SLC35D4: variants seen among roughly 807,000 people sequenced by gnomAD.
The protein encoded by SLC35D4 is solute carrier family 35 member D4.
chr18:23,407,179 T>G, the SLC35D4 span, among the ~76,000 whole-genome samples: 268 of 152,312 alleles, frequency 1.8e-3, 2 homozygotes, highest in South Asian at 0.014. Flanking sequence ...AGAACTCACT[T>G]TTTTCATTTA....
At chr18:23,313,405 G>A in the SLC35D4 span, among the ~76,000 whole-genome samples, 2 of 151,490 alleles carry the variant, frequency 1.3e-5, no homozygotes, top group Non-Finnish European at 2.9e-5. Context: ...AAAAAAAAAA[G>A]GAGCCCCCTG....
At chr18:23,344,751 G>A in the SLC35D4 span, among the ~76,000 whole-genome samples, 3 of 151,736 alleles carry the variant, frequency 2.0e-5, no homozygotes, top group Non-Finnish European at 2.9e-5. Context: ...ACAGGTGCCC[G>A]CCACCACGCC....
At chr18:23,327,769 C>T in the SLC35D4 span, among the ~76,000 whole-genome samples, 1 of 152,134 alleles carries the variant, frequency 6.6e-6, no homozygotes, top group East Asian at 1.9e-4. Flanking sequence ...AATTTTAGAC[C>T]AATATCCCTG....
chr18:23,285,691 T>C, the SLC35D4 span, among the ~76,000 whole-genome samples: 3 of 152,062 alleles, frequency 2.0e-5, no homozygotes, highest in Admixed American at 6.6e-5. Flanking sequence ...TCTACAGACC[T>C]ATCTGACCTC....
the SLC35D4 span, among the ~76,000 whole-genome samples, chr18:23,357,746 C>G: frequency 1.3e-5 from 2 of 152,212 alleles, no homozygotes; most frequent in African/African-American, 2.4e-5. Flanking sequence ...ATTCAACTAT[C>G]TATTGGTAAG....
chr18:23,374,677 G>A, the SLC35D4 span, among the ~76,000 whole-genome samples: 1 of 151,984 alleles, frequency 6.6e-6, no homozygotes, highest in African/African-American at 2.4e-5. Context: ...TAGAGGTGGG[G>A]TTTCTCCATG....
chr18:23,334,800 C>A, the SLC35D4 span, among the ~76,000 whole-genome samples: 1 of 152,012 alleles, frequency 6.6e-6, no homozygotes, highest in South Asian at 2.1e-4. Context: ...CGGACGGGTT[C>A]GAGACCAGCC....
the SLC35D4 span, among the ~76,000 whole-genome samples, chr18:23,411,550 A>AAAGAAAGAAAGG: frequency 2.3e-4 from 35 of 149,782 alleles, no homozygotes; most frequent in African/African-American, 7.7e-4. Context: ...AGAAAGAAAG[A>AAAGAAAGAAAGG]AAGGTGTGTG....
chr18:23,301,793 T>C, the SLC35D4 span, among the ~76,000 whole-genome samples: 1 of 152,236 alleles, frequency 6.6e-6, no homozygotes, highest in Non-Finnish European at 1.5e-5. Context: ...AGTATCTTTC[T>C]CTTTTGTATG....
chr18:23,409,538 G>A, the SLC35D4 span, among the ~76,000 whole-genome samples: 2 of 152,098 alleles, frequency 1.3e-5, no homozygotes, highest in Admixed American at 1.3e-4. Flanking sequence ...ATCAATTACA[G>A]ATCAAAAATA....
the SLC35D4 span, among the ~76,000 whole-genome samples, chr18:23,283,208 C>T: frequency 1.3e-5 from 2 of 151,940 alleles, no homozygotes; most frequent in African/African-American, 2.4e-5. Context: ...AAAGGAAGGC[C>T]GGGCGTAGTG....
At chr18:23,356,571 C>T in the SLC35D4 span, 2 of 1,613,328 alleles carry the variant, frequency 1.2e-6, no homozygotes, top group East Asian at 4.5e-5. The surrounding 1 kb of genome is among the most constrained non-coding windows in gnomAD (Gnocchi z 4.1). Flanking sequence ...AGAAAGCATA[C>T]AAATGAGTGA....
the SLC35D4 span, chr18:23,257,146 T>G: frequency 1.3e-4 from 200 of 1,489,564 alleles, no homozygotes; most frequent in East Asian, 4.2e-4. Context: ...CACTGGCTGG[T>G]GGATAGAGAA....
chr18:23,328,642 T>C, the SLC35D4 span, among the ~76,000 whole-genome samples: 3 of 152,154 alleles, frequency 2.0e-5, no homozygotes, highest in Admixed American at 2.0e-4. Context: ...AGGTAATTTA[T>C]AGATTCAATG....
At chr18:23,371,503 C>G in the SLC35D4 span, 1 of 1,555,858 alleles carries the variant, frequency 6.4e-7, no homozygotes, top group Non-Finnish European at 8.7e-7. Flanking sequence ...GAAAAAATGG[C>G]TATAAGTGCA....
chr18:23,257,021 C>A, the SLC35D4 span: 2 of 580,506 alleles, frequency 3.4e-6, no homozygotes, highest in Non-Finnish European at 6.0e-6. Context: ...TTCCGGGCAG[C>A]CCCTCGGGAA....
chr18:23,257,310 C>G, the SLC35D4 span: 2 of 1,613,896 alleles, frequency 1.2e-6, no homozygotes, highest in Non-Finnish European at 1.7e-6. Context: ...AATTCGCCCT[C>G]CACTTGCCCG....
chr18:23,422,199 T>C, the SLC35D4 span, among the ~76,000 whole-genome samples: 2 of 152,144 alleles, frequency 1.3e-5, no homozygotes, highest in East Asian at 3.9e-4. Context: ...TAGTGAGTAA[T>C]GGTGAGGTTT....
chr18:23,354,706 C>A, the SLC35D4 span, among the ~76,000 whole-genome samples: 1 of 152,148 alleles, frequency 6.6e-6, no homozygotes, highest in Non-Finnish European at 1.5e-5. Flanking sequence ...CTCCTCTATG[C>A]CTCTAGCCAC....
Sources: allele counts gnomAD v4.1 joint callset (sites outside exome capture counted in the v4.1 genomes callset), GRCh38; gene constraint gnomAD v4.1.1; non-coding constraint Gnocchi (gnomAD v3.1); transcripts MANE v1.5; gene names NCBI Gene and HGNC (gene_info 2026-07-23, HGNC 2026-07-21).